Variants in TMEM132C observed in about 807,000 individuals in gnomAD.
TMEM132C encodes the protein transmembrane protein 132C.
TMEM132C carries 29 observed loss-of-function variants against 61.4 expected under a neutral mutation model. The ratio of observed to expected loss-of-function variants is 0.47; its 90% CI spans 0.35 to 0.64. The LOEUF is 0.64. TMEM132C is among the 30% of genes least tolerant of loss of function. The pLI is 0.00. For missense variants in TMEM132C, 1,408 were observed against 1,476.9 expected, an observed-to-expected ratio of 0.95 and a Z score of 0.76; for synonymous variants, 656 against 633.1, an observed-to-expected ratio of 1.04 and a Z score of -0.54.
intron 2 of TMEM132C, among the ~76,000 whole-genome samples, chr12:128,532,594 C>T (rs1161471099): frequency 9.8e-6 from 1 of 101,616 alleles, no homozygotes; most frequent in Non-Finnish European, 1.7e-5. Context: ...GAGCTGAGAT[C>T]GCGCCATTTG....
chr12:128,281,809 A>G (rs1274770955), intron 1 of TMEM132C, among the ~76,000 whole-genome samples: 1 of 152,184 alleles, frequency 6.6e-6, no homozygotes, highest in Non-Finnish European at 1.5e-5. Flanking sequence ...CCTCTGTTCA[A>G]GATTCCAGCT....
intron 1 of TMEM132C, among the ~76,000 whole-genome samples, chr12:128,402,940 A>G (rs1322477214): frequency 6.6e-6 from 1 of 152,112 alleles, no homozygotes; most frequent in African/African-American, 2.4e-5. Context: ...AGCATCTGAG[A>G]GTGATTATGG....
chr12:128,475,570 T>TA (rs553637116), intron 2 of TMEM132C, among the ~76,000 whole-genome samples: 2,754 of 151,602 alleles, frequency 0.018, 87 homozygotes, highest in African/African-American at 0.064. Flanking sequence ...TATATCTCAA[T>TA]AAAAAAAAAT....
At chr12:128,436,995 AG>A (rs1869619893) in intron 2 of TMEM132C, among the ~76,000 whole-genome samples, 1 of 152,220 alleles carries the variant, frequency 6.6e-6, no homozygotes, top group African/African-American at 2.4e-5. Flanking sequence ...TGTCCTTTGT[AG>A]GGACATGGAT....
chr12:128,436,906 T>A (rs763566628), intron 2 of TMEM132C, among the ~76,000 whole-genome samples: 7 of 152,162 alleles, frequency 4.6e-5, no homozygotes, highest in East Asian at 1.9e-4. Context: ...CAAACGTCCG[T>A]CAATGATAGA....
At chr12:128,489,251 A>G (rs367701780) in intron 2 of TMEM132C, among the ~76,000 whole-genome samples, 5 of 152,210 alleles carry the variant, frequency 3.3e-5, no homozygotes, top group South Asian at 2.1e-4. Flanking sequence ...CAGGATGCCA[A>G]CTACTAAGCG....
chr12:128,466,561 G>A (rs375237342), intron 2 of TMEM132C, among the ~76,000 whole-genome samples: 3 of 152,176 alleles, frequency 2.0e-5, no homozygotes, highest in East Asian at 3.9e-4. Flanking sequence ...GTCTCACTGT[G>A]TCTTCTGCAG....
chr12:128,416,119 A>G (rs1025857010), intron 2 of TMEM132C, among the ~76,000 whole-genome samples: 4 of 152,152 alleles, frequency 2.6e-5, no homozygotes, highest in Admixed American at 6.5e-5. Flanking sequence ...GGGAGGCCTT[A>G]CTGCATGAGT....
chr12:128,426,801 G>A (rs7966049), intron 2 of TMEM132C, among the ~76,000 whole-genome samples: 123,881 of 152,076 alleles, frequency 0.81, 50,783 homozygotes, highest in East Asian at 0.93. Context: ...TTTAAACATA[G>A]AATTGACTCC....
Position 128,477,508 on chromosome 12 carries a change from G to A in TMEM132C, c.974+61888G>A, listed in dbSNP as rs547273365. ...AACCCCCTTTCAGGGCTCAGAATGG[G>A]ATAAAGAACTGAGACAACTAATACA... is the stretch of plus-strand genomic sequence containing the variant. On this transcript the variant is annotated intron_variant, in intron 2 of 8. Coordinates refer to ENST00000435159, the MANE Select transcript of TMEM132C (RefSeq NM_001136103.3). 2.6e-5 allele frequency among the ~76,000 whole-genome samples: 4 copies of A among 152,262 alleles called. No homozygotes were observed. The South Asian group carries it at 8.3e-4, about 32-fold the overall frequency.
rs114384307 is a variant in TMEM132C at position 128,308,233 on chromosome 12, C to T, written c.85+40746C>T. Among the ~76,000 whole-genome samples the T allele has an allele frequency of 5.3e-5, 8 of 152,356 alleles. No individual in the cohort carries two copies. The East Asian group carries it at 1.4e-3, about 26-fold the overall frequency. On this transcript the variant is annotated intron_variant, in intron 1 of 8. Coordinates refer to ENST00000435159, the MANE Select transcript of TMEM132C (RefSeq NM_001136103.3). ...GTCTCTTTGGGACCCAGATCTTTCC[C>T]TGGACTTCCCCCTTGCAGGAGTCCA...
At chr12:128,360,504 C>G (rs975793089) in intron 1 of TMEM132C, among the ~76,000 whole-genome samples, 3 of 152,082 alleles carry the variant, frequency 2.0e-5, no homozygotes, top group African/African-American at 7.2e-5. Flanking sequence ...TAAATGTCCC[C>G]TCGTGCCTGC....
rs550355964 is a variant in TMEM132C at position 128,358,959 on chromosome 12, G to A, written c.86-55773G>A. 2.0e-5 allele frequency among the ~76,000 whole-genome samples: 3 copies of A among 152,280 alleles called. No homozygotes were observed. The South Asian group carries it at 6.2e-4, about 32-fold the overall frequency. ...TATAGCAAACCAGTGTAAAGTGCTT[G>A]CATGTGCCAGAGGCCATGCTAGACA... On this transcript the variant is annotated intron_variant, in intron 1 of 8. Coordinates refer to ENST00000435159, the MANE Select transcript of TMEM132C (RefSeq NM_001136103.3).
chr12:128,302,897 C>T (rs1871642746), intron 1 of TMEM132C, among the ~76,000 whole-genome samples: 1 of 152,178 alleles, frequency 6.6e-6, no homozygotes, highest in Non-Finnish European at 1.5e-5. Flanking sequence ...TTTTGATCTT[C>T]TTCTTGTATC....
chr12:128,280,866 T>A (rs1351403204), intron 1 of TMEM132C, among the ~76,000 whole-genome samples: 2 of 152,122 alleles, frequency 1.3e-5, no homozygotes, highest in Non-Finnish European at 2.9e-5. Context: ...ACCCAGTCAA[T>A]AGAAAACAAT....
intron 1 of TMEM132C, among the ~76,000 whole-genome samples, chr12:128,404,224 AT>A (rs944927259): frequency 6.6e-6 from 1 of 152,144 alleles, no homozygotes; most frequent in African/African-American, 2.4e-5. Context: ...TTTTTATCCA[AT>A]TCAAGAGGGA....
intron 2 of TMEM132C, among the ~76,000 whole-genome samples, chr12:128,417,096 G>A (rs1868808024): frequency 6.6e-6 from 1 of 152,100 alleles, no homozygotes; most frequent in African/African-American, 2.4e-5. Context: ...CTGAATACTG[G>A]GTTTGTTTCC....
chr12:128,567,923 C>T (rs921173433), intron 3 of TMEM132C, among the ~76,000 whole-genome samples: 6 of 152,190 alleles, frequency 3.9e-5, no homozygotes, highest in Admixed American at 6.5e-5. Context: ...TGTGCTGCAC[C>T]GTGGGAGCCC....
At chr12:128,649,380 G>A (rs978880086) in intron 4 of TMEM132C, among the ~76,000 whole-genome samples, 1 of 152,180 alleles carries the variant, frequency 6.6e-6, no homozygotes, top group Non-Finnish European at 1.5e-5. Flanking sequence ...GCTTGGAAGG[G>A]ACACACATCA....
Sources: allele counts gnomAD v4.1 joint callset (sites outside exome capture counted in the v4.1 genomes callset), GRCh38; gene constraint gnomAD v4.1.1; transcripts MANE v1.5; gene names NCBI Gene and HGNC (gene_info 2026-07-23, HGNC 2026-07-21).